Variants in TEK observed in about 807,000 individuals in gnomAD.
The protein encoded by TEK is TEK receptor tyrosine kinase.
TEK carries 43 observed loss-of-function variants against 131.8 expected under a neutral mutation model. The ratio of observed to expected loss-of-function variants is 0.33; its 90% CI spans 0.26 to 0.42. The LOEUF (loss-of-function observed/expected upper bound fraction) is 0.42, where lower values mean the gene tolerates loss of function less well. Among genes scored for constraint, TEK ranks in the 10% least tolerant of loss-of-function variants. The pLI, the probability that TEK is intolerant of heterozygous loss-of-function variation, is 1.00. For synonymous variants in TEK, 580 were observed against 491.6 expected (o/e 1.18, Z -2.38); for missense variants, 1,162 against 1,384.4 (o/e 0.84, Z 2.55).
chr9:27,119,897 G>GTGTA (rs1177862441), intron 1 of TEK, among the ~76,000 whole-genome samples: 2 of 151,768 alleles, frequency 1.3e-5, no homozygotes, highest in Non-Finnish European at 1.5e-5. Flanking sequence ...ATGCGTGTGT[G>GTGTA]TGTGTGCATG....
At chr9:27,182,047 AGGGAGT>A (rs1824397556) in intron 7 of TEK, among the ~76,000 whole-genome samples, 1 of 152,182 alleles carries the variant, frequency 6.6e-6, no homozygotes. Flanking sequence ...GGCAGGAATC[AGGGAGT>A]GGTTAGAAAG....
At chr9:27,162,387 T>G (rs1325174585) in intron 2 of TEK, among the ~76,000 whole-genome samples, 1 of 152,308 alleles carries the variant, frequency 6.6e-6, no homozygotes, top group East Asian at 1.9e-4. Context: ...ATCAATGGCA[T>G]CATCCAAAAT....
At chr9:27,190,768 CT>C in intron 10 of TEK, 78 bp downstream of exon 10, 2 of 1,570,784 alleles carry the variant, frequency 1.3e-6, no homozygotes, top group Non-Finnish European at 1.7e-6. Context: ...TAGAAATTCC[CT>C]TCTCCCTGCC....
intron 6 of TEK, among the ~76,000 whole-genome samples, 157 bp from the exon 7 acceptor site, chr9:27,180,083 C>T (rs966881075): frequency 4.6e-5 from 7 of 152,112 alleles, no homozygotes; most frequent in Non-Finnish European, 8.8e-5. Flanking sequence ...AACTCCCCAG[C>T]TTTTTAAGTT....
intron 6 of TEK, among the ~76,000 whole-genome samples, chr9:27,175,650 T>C (rs1331375712): frequency 3.3e-5 from 5 of 151,962 alleles, no homozygotes; most frequent in African/African-American, 1.2e-4. Context: ...CCAGCACCTG[T>C]TGTTTCCTGA....
intron 4 of TEK, among the ~76,000 whole-genome samples, 161 bp from the exon 5 acceptor site, chr9:27,172,455 T>C (rs1446720049): frequency 6.6e-6 from 1 of 152,220 alleles, no homozygotes; most frequent in Non-Finnish European, 1.5e-5. Flanking sequence ...TGTTTACATG[T>C]CTGTCTCCCA....
intron 15 of TEK, among the ~76,000 whole-genome samples, chr9:27,208,632 T>C (rs960034740): frequency 6.6e-6 from 1 of 152,242 alleles, no homozygotes; most frequent in Non-Finnish European, 1.5e-5. Context: ...CAAAGAGGCA[T>C]GCATTATTGG....
chr9:27,190,199 A>AG (rs1255502623), intron 9 of TEK, among the ~76,000 whole-genome samples: 3 of 152,114 alleles, frequency 2.0e-5, no homozygotes, highest in Non-Finnish European at 4.4e-5. Flanking sequence ...TGAGGGGAAG[A>AG]GGAGGCTGGA....
At chr9:27,158,878 C>A (rs1823441025) in intron 2 of TEK, among the ~76,000 whole-genome samples, 1 of 152,216 alleles carries the variant, frequency 6.6e-6, no homozygotes, top group Non-Finnish European at 1.5e-5. Context: ...CCAGGACGAT[C>A]TTGATCTGTA....
intron 18 of TEK, among the ~76,000 whole-genome samples, chr9:27,215,641 G>A (rs1025708601): frequency 6.6e-6 from 1 of 151,636 alleles, no homozygotes; most frequent in Admixed American, 6.6e-5. Flanking sequence ...AAGCAATTTG[G>A]GGTTTCACTA....
At chr9:27,136,866 TCTAC>T (rs1822468199) in intron 1 of TEK, among the ~76,000 whole-genome samples, 1 of 152,190 alleles carries the variant, frequency 6.6e-6, no homozygotes, top group South Asian at 2.1e-4. Flanking sequence ...TTTCCAATGT[TCTAC>T]CTTTCTGCTA....
Position 27,172,687 on chromosome 9 carries a change from C to T in TEK, c.700C>T (p.His234Tyr). 6.2e-7 allele frequency: 1 copy of T among 1,613,728 alleles called. No homozygotes were observed. The highest frequency in any genetic ancestry group is 1.3e-5 in the African/African-American group (1 of 75,026). Residue 234 changes from histidine to tyrosine, a missense_variant, in exon 5 of 23, where the codon CAT becomes TAT. By Grantham distance (83) the His-to-Tyr change is moderately conservative. Around this residue, in one of 6 missense-constraint regions of TEK, gnomAD observed 436 missense variants for 539.1 expected, o/e 0.81. Coordinates refer to ENST00000380036, the MANE Select transcript of TEK (RefSeq NM_000459.5). ...TGCTTGTATGAACAATGGTGTCTGC[C>T]ATGAAGATACTGGAGAATGCATTTG... ...CTACMNNGVC[H>Y]EDTGECICPP...
At chr9:27,174,554 A>G (rs1341261933) in intron 6 of TEK, among the ~76,000 whole-genome samples, 1 of 152,182 alleles carries the variant, frequency 6.6e-6, no homozygotes, top group South Asian at 2.1e-4. Flanking sequence ...TTGAAATTTC[A>G]GTTTGGACTA....
intron 12 of TEK, among the ~76,000 whole-genome samples, chr9:27,200,969 C>A (rs533789924): frequency 3.9e-5 from 6 of 152,162 alleles, no homozygotes; most frequent in African/African-American, 1.4e-4. Context: ...TTCTATTTTT[C>A]CCCCCACCAT....
chr9:27,168,139 TA>T (rs1823806444), intron 2 of TEK, among the ~76,000 whole-genome samples: 1 of 152,046 alleles, frequency 6.6e-6, no homozygotes, highest in South Asian at 2.1e-4. Flanking sequence ...AATGGAAAAA[TA>T]AAATCTGAAA....
intron 9 of TEK, among the ~76,000 whole-genome samples, chr9:27,188,292 C>T (rs904516672): frequency 6.6e-6 from 1 of 152,154 alleles, no homozygotes; most frequent in African/African-American, 2.4e-5. Flanking sequence ...TGGGTGTACA[C>T]ATAGGTAAAG....
chr9:27,188,337 T>C (rs1408296093), intron 9 of TEK, among the ~76,000 whole-genome samples: 1 of 152,174 alleles, frequency 6.6e-6, no homozygotes, highest in East Asian at 1.9e-4. Flanking sequence ...ATATTCACGC[T>C]TTACAATATG....
chr9:27,181,110 TA>T (rs1358953795), intron 7 of TEK, among the ~76,000 whole-genome samples: 1 of 152,152 alleles, frequency 6.6e-6, no homozygotes, highest in Non-Finnish European at 1.5e-5. Flanking sequence ...ACATGGGGGC[TA>T]GGGGTACTGA....
In TEK at chr9:27,212,866, C is replaced by T. The variant is rs751789573; in HGVS notation, c.2846C>T (p.Ala949Val). The T allele has an allele frequency of 9.3e-6, 15 of 1,613,928 alleles. No homozygotes were observed. The highest frequency in any genetic ancestry group is 1.3e-5 in the Non-Finnish European group (15 of 1,179,976). The change falls in exon 17 of 23, where the codon GCC becomes GTC. Residue 949 changes from alanine to valine, a missense_variant. By Grantham distance (64) the Ala-to-Val change is moderately conservative. Coordinates refer to ENST00000380036, the MANE Select transcript of TEK (RefSeq NM_000459.5). Reference protein sequence around the residue: ...QQLLHFAADVARGMDYLSQKQ... With the variant: ...QQLLHFAADVVRGMDYLSQKQ... ...CTCCTTCACTTCGCTGCCGACGTGG[C>T]CCGGGGCATGGACTACTTGAGCCAA...
Sources: allele counts gnomAD v4.1 joint callset (sites outside exome capture counted in the v4.1 genomes callset), GRCh38; gene constraint gnomAD v4.1.1; regional missense constraint gnomAD v4.1.1; transcripts MANE v1.5; gene names NCBI Gene and HGNC (gene_info 2026-07-23, HGNC 2026-07-21).